PTPRG: variants seen among roughly 807,000 people sequenced by gnomAD.
The protein encoded by PTPRG is receptor-type tyrosine-protein phosphatase gamma.
Under a neutral mutation model 165.3 loss-of-function variants are expected in PTPRG, and 102 were observed. That is an observed-to-expected ratio of 0.62 (90% confidence interval 0.53 to 0.73). The LOEUF (loss-of-function observed/expected upper bound fraction) is 0.73. Ranked by LOEUF, PTPRG falls within the 30% of genes least tolerant of loss-of-function variation. The probability of loss-of-function intolerance (pLI) is 0.00; values close to 1 mark genes in which losing one functional copy is unlikely to be tolerated. For synonymous variants in PTPRG, 675 were observed against 669.5 expected, an observed-to-expected ratio of 1.01 and a Z score of -0.13; for missense variants, 1,866 against 1,861.4, an observed-to-expected ratio of 1.00 and a Z score of -0.05.
intron 2 of PTPRG, among the ~76,000 whole-genome samples, chr3:61,778,376 G>C (rs889978638): frequency 1.3e-5 from 2 of 152,030 alleles, no homozygotes; most frequent in Non-Finnish European, 2.9e-5. Flanking sequence ...AAGTTACAAA[G>C]CTGCACTCCT....
At chr3:62,085,191 CTG>C (rs1200888937) in intron 5 of PTPRG, among the ~76,000 whole-genome samples, 2 of 152,216 alleles carry the variant, frequency 1.3e-5, no homozygotes, top group African/African-American at 4.8e-5. Context: ...AAGGAAACCT[CTG>C]TGTTTTATCA....
At chr3:61,770,418 T>C (rs1160257163) in intron 2 of PTPRG, 1 of 152,212 alleles carries the variant, frequency 6.6e-6, no homozygotes, top group East Asian at 1.9e-4. Flanking sequence ...GACAAGGTCA[T>C]AATGTTAATT....
At chr3:61,898,387 C>T (rs539716821) in intron 2 of PTPRG, among the ~76,000 whole-genome samples, 1 of 152,258 alleles carries the variant, frequency 6.6e-6, no homozygotes, top group African/African-American at 2.4e-5. Flanking sequence ...CACAGAGGTG[C>T]TCCGGCCTCA....
chr3:62,145,261 A>C (rs1385749051), intron 6 of PTPRG, among the ~76,000 whole-genome samples: 1 of 152,080 alleles, frequency 6.6e-6, no homozygotes, highest in African/African-American at 2.4e-5. Context: ...TAATACTAAT[A>C]CCAGTCTTGC....
intron 1 of PTPRG, among the ~76,000 whole-genome samples, chr3:61,593,149 G>A (rs1700615157): frequency 6.6e-6 from 1 of 152,088 alleles, no homozygotes; most frequent in South Asian, 2.1e-4. Context: ...ATGCACATTG[G>A]AATTTGAGAT....
rs1553660756 is a variant in PTPRG at position 61,752,798 on chromosome 3, A to AAAAAT, written c.190+3819_190+3820insATAAA. Among the ~76,000 whole-genome samples, 3 of 48,892 alleles carry AAAAAT rather than the reference A, an allele frequency of 6.1e-5. 1 individual carries two copies. In the South Asian group the frequency reaches 1.7e-3, roughly 28 times the overall value. The allele number at this position is 48,892 out of a possible 152,430, so 32.1% of individuals were successfully genotyped here. A position where few individuals can be genotyped will look rare whatever the true frequency, so the allele number is the denominator to read the frequency against. Reference sequence around the variant, plus strand: ...GCAAGACTGTCTCAAAAAAAAAAAAAAAAGAAAAAAAAAAAGAAAATATTT... The same window carrying AAAAAT: ...GCAAGACTGTCTCAAAAAAAAAAAAAAAAATAAAGAAAAAAAAAAAGAAAATATTT... On this transcript the variant is annotated intron_variant, in intron 2 of 29. Transcript: ENST00000474889.
intron 2 of PTPRG, among the ~76,000 whole-genome samples, chr3:61,956,715 T>C (rs929290533): frequency 2.0e-5 from 3 of 152,278 alleles, no homozygotes; most frequent in South Asian, 2.1e-4. Context: ...CTCATATGCG[T>C]ATATTGAGAT....
chr3:62,090,147 A>G (rs1371892428), intron 5 of PTPRG, among the ~76,000 whole-genome samples: 2 of 152,208 alleles, frequency 1.3e-5, no homozygotes, highest in African/African-American at 4.8e-5. Flanking sequence ...ATATGAAACA[A>G]TACTCAATTC....
intron 1 of PTPRG, among the ~76,000 whole-genome samples, chr3:61,596,175 G>A (rs1700693566): frequency 6.6e-6 from 1 of 152,162 alleles, no homozygotes; most frequent in Non-Finnish European, 1.5e-5. Context: ...TCTTTGAAAT[G>A]CTTAGGTTAA....
intron 7 of PTPRG, among the ~76,000 whole-genome samples, chr3:62,163,624 T>C (rs1704854047): frequency 6.6e-6 from 1 of 152,204 alleles, no homozygotes; most frequent in South Asian, 2.1e-4. Context: ...GATACAGCAT[T>C]TTACAGTTGT....
intron 2 of PTPRG, among the ~76,000 whole-genome samples, chr3:61,980,603 A>G (rs1307895400): frequency 1.3e-5 from 2 of 152,214 alleles, no homozygotes; most frequent in African/African-American, 4.8e-5. Flanking sequence ...AAAACATCGA[A>G]TAATTTAAAT....
chr3:61,663,228 G>T lies in PTPRG; in HGVS notation c.86-85650G>T, dbSNP rs113104229. 4.1e-3 allele frequency among the ~76,000 whole-genome samples: 631 copies of T among 152,320 alleles called. 2 individuals are homozygous for T. The highest frequency in any genetic ancestry group is 1.0e-2 in the African/African-American group (415 of 41,566). On this transcript the variant is annotated intron_variant, in intron 1 of 29. Coordinates refer to ENST00000474889, the MANE Select transcript of PTPRG (RefSeq NM_002841.4). ...GGCATCCCATTCATGTTTGGGAATG[G>T]AATCTGACTTTGCCACTTGGAAGAT... is the stretch of plus-strand genomic sequence containing the variant.
intron 9 of PTPRG, among the ~76,000 whole-genome samples, chr3:62,193,189 G>A (rs577837425): frequency 3.9e-5 from 6 of 152,318 alleles, no homozygotes; most frequent in African/African-American, 1.2e-4. Context: ...AACCATCTAG[G>A]CGCTTATGCA....
chr3:62,277,512 A>C (rs182132840), intron 25 of PTPRG, 39 bp from the exon 26 acceptor site: 3 of 1,595,236 alleles, frequency 1.9e-6, no homozygotes, highest in African/African-American at 2.7e-5. Context: ...AGAATAAAAC[A>C]CTCATATTCA....
chr3:61,951,624 C>A (rs2039900592), intron 2 of PTPRG, among the ~76,000 whole-genome samples: 1 of 152,072 alleles, frequency 6.6e-6, no homozygotes, highest in Admixed American at 6.5e-5. Flanking sequence ...ATTTCCAGCG[C>A]TTGTTTCCGT....
chr3:62,066,455 C>T (rs765870428), intron 4 of PTPRG, among the ~76,000 whole-genome samples: 3 of 152,144 alleles, frequency 2.0e-5, no homozygotes, highest in Non-Finnish European at 4.4e-5. Context: ...CATGGTGAAT[C>T]ATGTGGCTGT....
At position 62,022,251 on chromosome 3, in the gene PTPRG, T is replaced by C. The variant is rs1247254153; in HGVS notation, c.519+18754T>C. Among the ~76,000 whole-genome samples the C allele has an allele frequency of 4.6e-5, 7 of 152,342 alleles. No individual in the cohort carries two copies. The South Asian group carries it at 1.0e-3, about 23-fold the overall frequency. The stretch of plus-strand genomic sequence containing the variant: ...TTACATTTTTTGTGAAATAAAAGAA[T>C]GAACCCACTATTATTTGTCTTAACT... On this transcript the variant is annotated intron_variant, in intron 4 of 29. Coordinates refer to ENST00000474889, the MANE Select transcript of PTPRG (RefSeq NM_002841.4).
intron 2 of PTPRG, among the ~76,000 whole-genome samples, chr3:61,945,897 A>T (rs2039748200): frequency 6.6e-6 from 1 of 152,244 alleles, no homozygotes; most frequent in African/African-American, 2.4e-5. Flanking sequence ...AAAACGAAAC[A>T]CAGAGACGTG....
chr3:62,072,596 C>A (rs1410301085), intron 4 of PTPRG, among the ~76,000 whole-genome samples: 1 of 148,212 alleles, frequency 6.7e-6, no homozygotes, highest in East Asian at 2.0e-4. Flanking sequence ...TGTTTCTGTG[C>A]TTGAGAATAT....
Sources: allele counts gnomAD v4.1 joint callset (sites outside exome capture counted in the v4.1 genomes callset), GRCh38; gene constraint gnomAD v4.1.1; transcripts MANE v1.5; gene names NCBI Gene and HGNC (gene_info 2026-07-23, HGNC 2026-07-21).